The following DCC variants were observed in gnomAD, a reference collection of about 807,000 sequenced individuals.
DCC encodes DCC netrin 1 receptor.
Under a neutral mutation model 172.5 loss-of-function variants are expected in DCC, and 58 were observed. The observed-to-expected ratio is 0.34, with a 90% CI of 0.27 to 0.42. The LOEUF (loss-of-function observed/expected upper bound fraction) is 0.42. Ranked by LOEUF, DCC falls within the 10% of genes least tolerant of loss-of-function variation. DCC has a pLI of 1.00. For missense variants in DCC, 1,740 were observed against 1,791.0 expected (o/e 0.97, Z 0.51); for synonymous variants, 709 against 644.5 (o/e 1.10, Z -1.52).
intron 13 of DCC, among the ~76,000 whole-genome samples, chr18:53,320,070 CTTTTT>C (rs35150045): frequency 1.8e-5 from 2 of 109,622 alleles, no homozygotes; most frequent in Non-Finnish European, 3.6e-5. Context: ...CGCAAGAGTA[CTTTTT>C]TTTTTTTTTT....
At chr18:52,599,801 A>G (rs1392576465) in intron 1 of DCC, among the ~76,000 whole-genome samples, 1 of 152,146 alleles carries the variant, frequency 6.6e-6, no homozygotes, top group Non-Finnish European at 1.5e-5. Flanking sequence ...GGTTTGAGCC[A>G]CCGCGCCCGG....
At chr18:52,562,180 T>C (rs2033055139) in intron 1 of DCC, among the ~76,000 whole-genome samples, 2 of 152,184 alleles carry the variant, frequency 1.3e-5, no homozygotes, top group Admixed American at 6.6e-5. Context: ...AGAGGAGGGA[T>C]ACTGAGTATG....
At chr18:53,166,062 G>A (rs2054915703) in intron 8 of DCC, among the ~76,000 whole-genome samples, 1 of 152,132 alleles carries the variant, frequency 6.6e-6, no homozygotes, top group Admixed American at 6.6e-5. Context: ...CTTGGTCTAA[G>A]GGTATGTCAG....
intron 5 of DCC, among the ~76,000 whole-genome samples, chr18:52,936,260 A>T (rs1305163426): frequency 8.0e-6 from 1 of 125,686 alleles, no homozygotes; most frequent in East Asian, 2.1e-4. Flanking sequence ...TGTTTAAAAG[A>T]TTCTGTTGAA....
chr18:52,994,354 TG>T (rs2041445901), intron 5 of DCC, among the ~76,000 whole-genome samples: 1 of 152,094 alleles, frequency 6.6e-6, no homozygotes, highest in African/African-American at 2.4e-5. Flanking sequence ...GGGGGTAAAG[TG>T]GCAATTTGTA....
intron 5 of DCC, among the ~76,000 whole-genome samples, chr18:53,025,302 T>C (rs1254662729): frequency 1.3e-5 from 2 of 152,048 alleles, no homozygotes; most frequent in African/African-American, 4.8e-5. Flanking sequence ...AAAAATAAAT[T>C]TGTGCTATCC....
At chr18:53,035,685 G>C (rs934168547) in intron 5 of DCC, among the ~76,000 whole-genome samples, 1 of 152,068 alleles carries the variant, frequency 6.6e-6, no homozygotes, top group African/African-American at 2.4e-5. Context: ...CGCAGCAGGG[G>C]CTGGCTCCAT....
At chr18:53,475,897 G>A (rs2045756401) in intron 25 of DCC, among the ~76,000 whole-genome samples, 1 of 152,136 alleles carries the variant, frequency 6.6e-6, no homozygotes, top group Admixed American at 6.6e-5. Flanking sequence ...CTAGAAGGGA[G>A]GATGTACCCT....
chr18:53,520,281 CTGTTTGGA>C (rs1219558991), intron 27 of DCC, among the ~76,000 whole-genome samples: 1 of 152,090 alleles, frequency 6.6e-6, no homozygotes, highest in Non-Finnish European at 1.5e-5. Flanking sequence ...GTCCAGTATC[CTGTTTGGA>C]TTGGACCATG....
intron 1 of DCC, among the ~76,000 whole-genome samples, chr18:52,535,676 T>G (rs2032268573): frequency 6.6e-6 from 1 of 152,158 alleles, no homozygotes; most frequent in East Asian, 1.9e-4. Context: ...AAAATAATTA[T>G]TTAAGGGAAA....
At chr18:53,320,810 G>C (rs941344471) in intron 13 of DCC, among the ~76,000 whole-genome samples, 16 of 152,096 alleles carry the variant, frequency 1.1e-4, no homozygotes, top group African/African-American at 3.9e-4. Flanking sequence ...ATTAAAACCT[G>C]AATAATATTA....
chr18:53,420,689 G>A (rs963032070), intron 21 of DCC, among the ~76,000 whole-genome samples: 2 of 152,020 alleles, frequency 1.3e-5, no homozygotes, highest in Admixed American at 6.6e-5. Context: ...CCTACCCTAT[G>A]ATTTCATTTA....
intron 2 of DCC, among the ~76,000 whole-genome samples, chr18:52,814,328 T>C (rs1202536273): frequency 6.6e-6 from 1 of 152,202 alleles, no homozygotes; most frequent in Admixed American, 6.5e-5. Context: ...GCCTGACTCC[T>C]GGAGACCTTG....
chr18:52,929,631 A>T (rs1020452903), intron 5 of DCC, among the ~76,000 whole-genome samples: 2 of 151,826 alleles, frequency 1.3e-5, no homozygotes, highest in Non-Finnish European at 2.9e-5. Flanking sequence ...GGTATTGCTT[A>T]TTTTTTTTAC....
chr18:53,431,278 C>CTTT (rs58102356), intron 21 of DCC, among the ~76,000 whole-genome samples: 23 of 96,250 alleles, frequency 2.4e-4, no homozygotes, highest in African/African-American at 6.9e-4. Context: ...TTGGCAGAAG[C>CTTT]TTTTTTTTTT....
At chr18:52,543,468 CA>C (rs2032523568) in intron 1 of DCC, among the ~76,000 whole-genome samples, 1 of 152,108 alleles carries the variant, frequency 6.6e-6, no homozygotes, top group African/African-American at 2.4e-5. Context: ...TTAGAGTAAG[CA>C]AGAATAAAAA....
rs1365864806 is a variant in DCC, at chr18:53,205,245, C to A, written c.1603C>A (p.Gln535Lys). The change falls in exon 10 of 29, where the codon CAA becomes AAA. Residue 535 changes from glutamine to lysine, a missense_variant. Coordinates refer to ENST00000442544, the MANE Select transcript of DCC (RefSeq NM_005215.4). ...LQVPGPVENL[Q>K]AVSTSPTSIL... ...AGTTCCAGGGCCAGTAGAAAACCTG[C>A]AAGCTGTATCTACCTCACCTACCTC... is the stretch of plus-strand genomic sequence containing the variant. 2 of 1,613,186 alleles carry A rather than the reference C, an allele frequency of 1.2e-6. No individual in the cohort carries two copies. The highest frequency in any genetic ancestry group is 1.7e-6 in the Non-Finnish European group (2 of 1,179,214).
At chr18:52,843,154 CT>C (rs2038833581) in intron 2 of DCC, among the ~76,000 whole-genome samples, 1 of 152,116 alleles carries the variant, frequency 6.6e-6, no homozygotes, top group Admixed American at 6.6e-5. Flanking sequence ...GAACTTGTAT[CT>C]TTTTTTGCAT....
In DCC at chr18:53,530,506, T is replaced by C. The variant is rs2046514130; in HGVS notation, c.4255-58T>C. 10 of 984,828 alleles carry C rather than the reference T, an allele frequency of 1.0e-5. No individual in the cohort carries two copies. The South Asian group carries it at 1.3e-4, about 13-fold the overall frequency. The allele number at this position is 984,828 out of a possible 1,614,324, so 61.0% of individuals were successfully genotyped here. ...CCCCAACTAGCTGTGGCCCCGGCCT[T>C]CATAAAAGAAATGGATCAATATTTG... On this transcript the variant is annotated intron_variant, in intron 28 of 28. Coordinates refer to ENST00000442544, the MANE Select transcript of DCC (RefSeq NM_005215.4).
Sources: gnomAD v4.1 joint callset for allele counts (sites outside exome capture counted in the v4.1 genomes callset) on GRCh38, gnomAD v4.1.1 for gene constraint, MANE v1.5 for transcripts, NCBI Gene and HGNC (gene_info 2026-07-23, HGNC 2026-07-21) for gene names.